The following RREB1 variants were observed in gnomAD, a reference collection of about 807,000 sequenced individuals.
RREB1 encodes the protein ras responsive element binding protein 1, also known as ras-responsive element-binding protein 1.
Under a neutral mutation model 117.8 loss-of-function variants are expected in RREB1, and 27 were observed. The ratio of observed to expected loss-of-function variants is 0.23; its 90% CI spans 0.17 to 0.32. The LOEUF is 0.32. Among genes scored for constraint, RREB1 ranks in the 10% least tolerant of loss-of-function variants. The pLI is 1.00. For synonymous variants in RREB1, 1,298 were observed against 1,026.7 expected (o/e 1.26, Z -5.05); for missense variants, 2,577 against 2,378.2 (o/e 1.08, Z -1.74).
chr6:7,109,180 C>G (rs1036661374), intron 1 of RREB1, among the ~76,000 whole-genome samples: 1 of 151,890 alleles, frequency 6.6e-6, no homozygotes, highest in Non-Finnish European at 1.5e-5. Flanking sequence ...TTCACGAGTT[C>G]TGGGGCTTCC....
At chr6:7,125,987 T>C in intron 1 of RREB1, among the ~76,000 whole-genome samples, 1 of 150,806 alleles carries the variant, frequency 6.6e-6, no homozygotes, top group Admixed American at 6.6e-5. Flanking sequence ...AAGGACTGTT[T>C]TTTGTTTGTT....
chr6:7,220,433 T>A (rs1027357835), intron 8 of RREB1, among the ~76,000 whole-genome samples: 1 of 152,186 alleles, frequency 6.6e-6, no homozygotes, highest in Non-Finnish European at 1.5e-5. Context: ...TTTTTTTTTC[T>A]TCCTAAAAGT....
intron 1 of RREB1, among the ~76,000 whole-genome samples, chr6:7,123,602 T>G (rs1761774427): frequency 1.4e-5 from 2 of 146,942 alleles, no homozygotes; most frequent in African/African-American, 5.0e-5. Context: ...CCAGGCCATG[T>G]GATGTGTCTT....
At position 7,246,662 on chromosome 6, in the gene RREB1, C is replaced by G; in HGVS notation, c.4212C>G (p.Asp1404Glu). The change falls in exon 12 of 13, where the codon GAC becomes GAG. Residue 1404 changes from aspartate (D) to glutamate (E), a missense_variant. Asp to Glu is a conservative substitution (Grantham distance 45). Coordinates refer to ENST00000379938, the MANE Select transcript of RREB1 (RefSeq NM_001003699.4). ...HGTEESTGDA[D>E]GAEEDASSNQ... ...CTGAGGAGAGCACTGGGGACGCCGACGGCGCGGAAGAGGACGCGTCGAGCA... is the reference window on the plus strand; with the variant it reads ...CTGAGGAGAGCACTGGGGACGCCGAGGGCGCGGAAGAGGACGCGTCGAGCA... 6.3e-7 allele frequency: 1 copy of G among 1,578,550 alleles called. No homozygotes were observed. The highest frequency in any genetic ancestry group is 8.6e-7 in the Non-Finnish European group (1 of 1,162,398).
At chr6:7,220,810 A>G (rs766594638) in intron 8 of RREB1, among the ~76,000 whole-genome samples, 1 of 152,202 alleles carries the variant, frequency 6.6e-6, no homozygotes, top group East Asian at 1.9e-4. Context: ...GGCAGAGTGG[A>G]GATACGCCAC....
intron 11 of RREB1, among the ~76,000 whole-genome samples, chr6:7,243,576 A>C (rs1768836926): frequency 6.6e-6 from 1 of 152,204 alleles, no homozygotes; most frequent in Non-Finnish European, 1.5e-5. Flanking sequence ...GAAGAGGTGA[A>C]GTTTTTTGTT....
chr6:7,251,485 TTC>T lies in RREB1; in HGVS notation c.*2521_*2522del, dbSNP rs1427801466. 9.2e-5 allele frequency: 13 copies of T among 141,704 alleles called. No individual in the cohort carries two copies. Among genetic ancestry groups the T allele is most frequent in the Admixed American group, 2.1e-4 (3 of 14,190 alleles). 8.8% of individuals were successfully genotyped at this position (141,704 alleles called of 1,614,324 possible). A position where few individuals can be genotyped will look rare whatever the true frequency, so the allele number is the denominator to read the frequency against. ...AAAAGTTTTTTGAGGTGCAAGTTTT[TTC>T]TCTTTTTTTTTTTTTTTTTTTTTTC... On this transcript the variant is annotated 3_prime_UTR_variant, in exon 13 of 13. Transcript: ENST00000379938.
At chr6:7,177,561 G>T (rs1480306301) in intron 2 of RREB1, among the ~76,000 whole-genome samples, 7 of 151,976 alleles carry the variant, frequency 4.6e-5, no homozygotes, top group Admixed American at 2.0e-4. Context: ...AAGAGACAGG[G>T]TCTCACTCTG....
chr6:7,236,380 C>T (rs913067396), intron 10 of RREB1, among the ~76,000 whole-genome samples: 3 of 152,182 alleles, frequency 2.0e-5, no homozygotes, highest in Non-Finnish European at 4.4e-5. Context: ...ACCCTTTCCT[C>T]CCTGCTTCTA....
chr6:7,212,758 A>G (rs975347434), intron 8 of RREB1: 3 of 152,100 alleles, frequency 2.0e-5, no homozygotes, highest in African/African-American at 7.2e-5. Flanking sequence ...TTGAAGACAC[A>G]TGTTTAGCTG....
At chr6:7,121,336 G>A (rs1238573184) in intron 1 of RREB1, among the ~76,000 whole-genome samples, 1 of 152,120 alleles carries the variant, frequency 6.6e-6, no homozygotes, top group Non-Finnish European at 1.5e-5. Flanking sequence ...GGGTTCATGG[G>A]AAGAGCCTTT....
intron 9 of RREB1, among the ~76,000 whole-genome samples, chr6:7,227,067 T>C (rs966995767): frequency 1.3e-5 from 2 of 151,978 alleles, no homozygotes; most frequent in African/African-American, 2.4e-5. Flanking sequence ...ACAGCAAGAC[T>C]TTATCTCTAC....
intron 8 of RREB1, among the ~76,000 whole-genome samples, chr6:7,222,382 CACATGGAAAT>C (rs1767316827): frequency 6.6e-6 from 1 of 152,096 alleles, no homozygotes; most frequent in African/African-American, 2.4e-5. Context: ...AGCTGAAGTG[CACATGGAAAT>C]AAGTTGTCCA....
intron 1 of RREB1, among the ~76,000 whole-genome samples, chr6:7,152,956 A>G (rs904518957): frequency 2.6e-5 from 4 of 152,180 alleles, no homozygotes; most frequent in Non-Finnish European, 4.4e-5. Context: ...ATTCTCTTAC[A>G]TACTTCTTAG....
At chr6:7,137,306 C>A (rs1762384468) in intron 1 of RREB1, among the ~76,000 whole-genome samples, 1 of 152,162 alleles carries the variant, frequency 6.6e-6, no homozygotes, top group Non-Finnish European at 1.5e-5. Flanking sequence ...GACTCGGGTA[C>A]AGGGAGGCAG....
intron 11 of RREB1, among the ~76,000 whole-genome samples, chr6:7,241,019 C>T (rs1028097873): frequency 6.6e-6 from 1 of 152,156 alleles, no homozygotes; most frequent in Non-Finnish European, 1.5e-5. Context: ...TCCTCGGGAG[C>T]AGGCCTGGGC....
rs756879078 is a variant in RREB1, at chr6:7,231,594, C to A, written c.3495C>A (p.Ala1165=). 3 of 1,612,180 alleles carry A rather than the reference C, an allele frequency of 1.9e-6. No individual in the cohort carries two copies. In the African/African-American group the frequency reaches 4.0e-5, roughly 22 times the overall value. ...RKRGMRSRPR[A]NSGGVDLDSS... is the part of the protein sequence containing the mutation. The stretch of plus-strand genomic sequence containing the variant: ...GGGGGATGAGGAGCCGACCCCGCGC[C>A]AACAGCGGCGGGGTGGACCTGGACT... The change falls in exon 10 of 13, where the codon GCC becomes GCA. Residue 1165 remains alanine, a synonymous_variant. Coordinates refer to ENST00000379938, the MANE Select transcript of RREB1 (RefSeq NM_001003699.4).
At chr6:7,196,158 C>G (rs961128960) in intron 6 of RREB1, among the ~76,000 whole-genome samples, 2 of 151,754 alleles carry the variant, frequency 1.3e-5, no homozygotes, top group Non-Finnish European at 2.9e-5. Context: ...TCCGGTGTTG[C>G]CTGCTTGAGG....
chr6:7,246,329 G>A, intron 11 of RREB1, 95 bp from the exon 12 acceptor site: 2 of 1,129,206 alleles, frequency 1.8e-6, no homozygotes, highest in Non-Finnish European at 2.4e-6. Context: ...GGTTCAGGCT[G>A]CTGGCGTGGG....
Sources: allele counts gnomAD v4.1 joint callset (sites outside exome capture counted in the v4.1 genomes callset), GRCh38; gene constraint gnomAD v4.1.1; transcripts MANE v1.5; gene names NCBI Gene and HGNC (gene_info 2026-07-23, HGNC 2026-07-21).